The following MARCHF3 variants were observed in gnomAD, a reference collection of about 807,000 sequenced individuals.
MARCHF3 encodes E3 ubiquitin-protein ligase MARCHF3.
Under a neutral mutation model 24.2 loss-of-function variants are expected in MARCHF3, and 13 were observed. The observed-to-expected ratio is 0.54, with a 90% CI of 0.35 to 0.85. The LOEUF is 0.85. Ranked by LOEUF, MARCHF3 falls within the 40% of genes least tolerant of loss-of-function variation. MARCHF3 has a pLI of 0.01. For synonymous variants in MARCHF3, 144 were observed against 137.3 expected (o/e 1.05, Z -0.34); for missense variants, 276 against 325.0 (o/e 0.85, Z 1.16).
intron 3 of MARCHF3, among the ~76,000 whole-genome samples, chr5:126,887,599 C>T (rs750088383): frequency 5.9e-5 from 9 of 152,150 alleles, no homozygotes; most frequent in Non-Finnish European, 1.0e-4. Context: ...AGAAGGGATC[C>T]ATGCGCTTCA....
rs1454005507 is a variant in MARCHF3, at chr5:126,870,640, A to C, written c.755T>G (p.Val252Gly). 13 of 1,613,858 alleles carry C rather than the reference A, an allele frequency of 8.1e-6. No individual in the cohort carries two copies. Among genetic ancestry groups the C allele is most frequent in the Admixed American group, 1.7e-5 (1 of 59,994 alleles). Residue 252 changes from valine (V) to glycine (G), a missense_variant, in exon 5 of 5, where the codon GTT becomes GGT. Physicochemically the swap from Val to Gly is moderately radical, Grantham distance 109 (BLOSUM62 -3). Coordinates refer to ENST00000308660, the MANE Select transcript of MARCHF3 (RefSeq NM_178450.5). ...HSVKRNSKET[V>G]V Reference sequence around the variant, plus strand: ...CAACCAACCATACAAACATCAAACAACTGTCTCCTTTGAGTTCCTCTTGAC... The same window carrying C: ...CAACCAACCATACAAACATCAAACACCTGTCTCCTTTGAGTTCCTCTTGAC...
chr5:126,899,124 C>A, intron 3 of MARCHF3: 3 of 985,316 alleles, frequency 3.0e-6, no homozygotes, highest in Non-Finnish European at 3.6e-6. Flanking sequence ...AACAATCTCA[C>A]AGCGTTCCTA....
chr5:126,954,018 T>C (rs545721013), intron 1 of MARCHF3, among the ~76,000 whole-genome samples: 3 of 152,072 alleles, frequency 2.0e-5, no homozygotes, highest in Non-Finnish European at 2.9e-5. Flanking sequence ...CCCATTTATG[T>C]AGTAACCTCT....
intron 3 of MARCHF3, among the ~76,000 whole-genome samples, chr5:126,895,263 C>T (rs1753837534): frequency 6.6e-6 from 1 of 152,142 alleles, no homozygotes; most frequent in Admixed American, 6.6e-5. Context: ...GAATGTCCTC[C>T]TGTAGCTCAG....
chr5:126,869,221 T>A lies in MARCHF3; in HGVS notation c.*1412A>T, dbSNP rs1314323768. 1 of 152,232 alleles carries A rather than the reference T, an allele frequency of 6.6e-6. No homozygotes were observed. The highest frequency in any genetic ancestry group is 1.5e-5 in the Non-Finnish European group (1 of 68,058). The allele number at this position is 152,232 out of a possible 1,614,324, so 9.4% of individuals were successfully genotyped here. A position where few individuals can be genotyped will look rare whatever the true frequency, so the allele number is the denominator to read the frequency against. ...CCCACTTGGAACACAAGGCAGATGC[T>A]GGAGTGATACTCAGAATGTGGGTCA... On this transcript the variant is annotated 3_prime_UTR_variant, in exon 5 of 5. Coordinates refer to ENST00000308660, the MANE Select transcript of MARCHF3 (RefSeq NM_178450.5).
chr5:127,024,389 G>A (rs946802015), intron 1 of MARCHF3, among the ~76,000 whole-genome samples: 4 of 152,176 alleles, frequency 2.6e-5, no homozygotes, highest in Non-Finnish European at 2.9e-5. Context: ...AACCTTGCTT[G>A]AGAAGCTACA....
At chr5:126,946,894 C>A (rs1750043697) in intron 1 of MARCHF3, among the ~76,000 whole-genome samples, 1 of 151,872 alleles carries the variant, frequency 6.6e-6, no homozygotes. Context: ...CAAGTTGCTG[C>A]CCAACCAATT....
At chr5:127,021,356 C>G (rs1752798994) in intron 1 of MARCHF3, among the ~76,000 whole-genome samples, 1 of 152,090 alleles carries the variant, frequency 6.6e-6, no homozygotes, top group Non-Finnish European at 1.5e-5. Context: ...ACCAAATTAA[C>G]CATTCCAGTC....
At chr5:126,927,447 TA>T (rs2126801449) in intron 1 of MARCHF3, among the ~76,000 whole-genome samples, 1 of 152,320 alleles carries the variant, frequency 6.6e-6, no homozygotes, top group East Asian at 1.9e-4. Context: ...TCTGAGGTGC[TA>T]TTTTTTTCTA....
At chr5:126,985,030 G>C (rs1751516481) in intron 1 of MARCHF3, among the ~76,000 whole-genome samples, 1 of 152,170 alleles carries the variant, frequency 6.6e-6, no homozygotes, top group Admixed American at 6.5e-5. Context: ...AAAGGTGGGT[G>C]TGAGTGGTGA....
At chr5:126,933,570 G>C (rs762373520) in intron 1 of MARCHF3, among the ~76,000 whole-genome samples, 1 of 151,152 alleles carries the variant, frequency 6.6e-6, no homozygotes, top group East Asian at 1.9e-4. Flanking sequence ...TAAGCCTCCC[G>C]AGTAGCTGGG....
At chr5:126,893,957 T>C (rs1404177409) in intron 3 of MARCHF3, among the ~76,000 whole-genome samples, 1 of 109,676 alleles carries the variant, frequency 9.1e-6, no homozygotes, top group Non-Finnish European at 1.8e-5. Flanking sequence ...GGACTTGCTT[T>C]ATGAATCTGG....
chr5:127,020,064 A>G lies in MARCHF3; in HGVS notation c.-57+10286T>C, dbSNP rs1009101921. 3.3e-5 allele frequency among the ~76,000 whole-genome samples: 5 copies of G among 152,158 alleles called. 1 individual carries two copies. Among genetic ancestry groups the G allele is most frequent in the Admixed American group, 2.0e-4 (3 of 15,280 alleles). On this transcript the variant is annotated intron_variant, in intron 1 of 4. Coordinates refer to ENST00000308660, the MANE Select transcript of MARCHF3 (RefSeq NM_178450.5). ...CACAATAGAAAGATGGTACTTTAGCATGAGTAGCCAGTACCAAATAATCTC... is the reference window on the plus strand; with the variant it reads ...CACAATAGAAAGATGGTACTTTAGCGTGAGTAGCCAGTACCAAATAATCTC...
chr5:126,904,121 C>A (rs373935683), intron 3 of MARCHF3, among the ~76,000 whole-genome samples: 15 of 149,578 alleles, frequency 1.0e-4, no homozygotes, highest in African/African-American at 3.5e-4. Context: ...ATTTCATCCA[C>A]GTCCCTACAA....
In MARCHF3 at chr5:126,914,953, G is replaced by A. The variant is rs762900876; in HGVS notation, c.370C>T (p.Arg124Cys). The A allele has an allele frequency of 1.2e-5, 19 of 1,614,160 alleles. No homozygotes were observed. The Admixed American group carries it at 1.3e-4, about 11-fold the overall frequency. The change falls in exon 3 of 5, where the codon CGC becomes TGC. Residue 124 changes from arginine (R) to cysteine (C), a missense_variant. Arg to Cys is a radical substitution (Grantham distance 180). Coordinates refer to ENST00000308660, the MANE Select transcript of MARCHF3 (RefSeq NM_178450.5). ...ACCTCCACTAACGGCCTGGGTTTGC[G>A]CTCGACTGCAAACCTGAAGTGGCAG... ...ELCHFRFAVERKPRPLVEWLR... is the reference protein window; with the variant it reads ...ELCHFRFAVECKPRPLVEWLR...
chr5:126,946,669 T>C (rs146238508), intron 1 of MARCHF3, among the ~76,000 whole-genome samples: 7 of 152,094 alleles, frequency 4.6e-5, no homozygotes, highest in African/African-American at 1.4e-4. Flanking sequence ...GGTAGGACTA[T>C]AGGCTTATCT....
chr5:126,924,901 T>C (rs1749240843), intron 1 of MARCHF3, among the ~76,000 whole-genome samples: 2 of 152,218 alleles, frequency 1.3e-5, no homozygotes, highest in Admixed American at 6.5e-5. Flanking sequence ...AAATTATACA[T>C]TTCTTTTCTG....
chr5:127,014,354 G>A (rs936226505), intron 1 of MARCHF3, among the ~76,000 whole-genome samples: 1 of 152,124 alleles, frequency 6.6e-6, no homozygotes, highest in South Asian at 2.1e-4. Context: ...TACACTGCTG[G>A]TGGTAATGTA....
intron 3 of MARCHF3, among the ~76,000 whole-genome samples, chr5:126,902,918 G>C (rs1471081595): frequency 6.6e-6 from 1 of 152,074 alleles, no homozygotes; most frequent in Non-Finnish European, 1.5e-5. Flanking sequence ...GGTCTGCTCA[G>C]CGACCTTGTC....
Sources: gnomAD v4.1 joint callset for allele counts (sites outside exome capture counted in the v4.1 genomes callset) on GRCh38, gnomAD v4.1.1 for gene constraint, MANE v1.5 for transcripts, NCBI Gene and HGNC (gene_info 2026-07-23, HGNC 2026-07-21) for gene names.